Variants in PCNX1 observed in about 807,000 individuals in gnomAD.
PCNX1 encodes pecanex-like protein 1.
Under a neutral mutation model 242.2 loss-of-function variants are expected in PCNX1, and 78 were observed. The observed-to-expected ratio is 0.32, with a 90% confidence interval of 0.27 to 0.39. The LOEUF is 0.39. PCNX1 is among the 10% of genes least tolerant of loss of function. The probability of loss-of-function intolerance (pLI) is 1.00; values close to 1 mark genes in which losing one functional copy is unlikely to be tolerated. For missense variants in PCNX1, 2,581 were observed against 2,856.5 expected (o/e 0.90, Z 2.20); for synonymous variants, 1,024 against 1,032.9 (o/e 0.99, Z 0.17).
chr14:70,915,192 G>A (rs1019408366), intron 1 of PCNX1, among the ~76,000 whole-genome samples: 18 of 152,008 alleles, frequency 1.2e-4, no homozygotes, highest in African/African-American at 4.1e-4. Context: ...GAGCAGCTAG[G>A]CTCTTCCCAG....
intron 30 of PCNX1, among the ~76,000 whole-genome samples, chr14:71,091,709 A>AAGT (rs1262831032): frequency 6.6e-5 from 10 of 152,242 alleles, no homozygotes; most frequent in Non-Finnish European, 1.2e-4. Flanking sequence ...AACACAGACT[A>AAGT]TACATGGCAA....
At chr14:70,920,439 A>G (rs542063841) in intron 1 of PCNX1, among the ~76,000 whole-genome samples, 11 of 152,306 alleles carry the variant, frequency 7.2e-5, no homozygotes, top group African/African-American at 2.6e-4. Context: ...CAATTTGTCA[A>G]ATGTATCTTA....
intron 12 of PCNX1, among the ~76,000 whole-genome samples, chr14:71,021,197 T>C (rs551990011): frequency 6.6e-6 from 1 of 152,338 alleles, no homozygotes; most frequent in East Asian, 1.9e-4. Context: ...GGTAGCGTGA[T>C]GCCTCCAGCT....
rs780668686 is a variant in PCNX1 at position 70,907,849 on chromosome 14, G to A, written c.-2G>A. 7 of 1,350,340 alleles carry A rather than the reference G, an allele frequency of 5.2e-6. No individual in the cohort carries two copies. In the South Asian group the frequency reaches 6.4e-5, roughly 12 times the overall value. The allele number at this position is 1,350,340 out of a possible 1,614,324, so 83.6% of individuals were successfully genotyped here. ...CGGCGACGGCGGCGGCGCCGGGTGGGGATGGGGTCGCAGACGCTGCAGATC... is the reference window on the plus strand; with the variant it reads ...CGGCGACGGCGGCGGCGCCGGGTGGAGATGGGGTCGCAGACGCTGCAGATC... On this transcript the variant is annotated 5_prime_UTR_variant, in exon 1 of 36. Transcript: ENST00000304743.
chr14:71,089,641 G>T (rs899192980), intron 30 of PCNX1, among the ~76,000 whole-genome samples: 4 of 152,076 alleles, frequency 2.6e-5, no homozygotes, highest in African/African-American at 9.7e-5. Flanking sequence ...GAACTCACTC[G>T]CTATCATGAG....
intron 1 of PCNX1, among the ~76,000 whole-genome samples, chr14:70,921,528 C>G (rs1035741894): frequency 6.6e-6 from 1 of 152,082 alleles, no homozygotes; most frequent in Admixed American, 6.6e-5. Flanking sequence ...ATAAAGATAG[C>G]TAATCTTAAC....
At chr14:70,973,025 G>A (rs2058587074) in intron 5 of PCNX1, among the ~76,000 whole-genome samples, 1 of 152,156 alleles carries the variant, frequency 6.6e-6, no homozygotes, top group African/African-American at 2.4e-5. Context: ...GCCAAGGTGG[G>A]AGTATGGCTG....
chr14:71,016,268 A>G (rs1347311151), intron 11 of PCNX1, among the ~76,000 whole-genome samples: 1 of 152,218 alleles, frequency 6.6e-6, no homozygotes, highest in Admixed American at 6.5e-5. Context: ...AGCAAAAGCT[A>G]ATAGAAGTGG....
intron 26 of PCNX1, among the ~76,000 whole-genome samples, chr14:71,061,356 A>C (rs1219857863): frequency 6.6e-6 from 1 of 152,212 alleles, no homozygotes; most frequent in Non-Finnish European, 1.5e-5. Flanking sequence ...CTCTGCCAGC[A>C]CAATGGAGAA....
chr14:70,986,012 CAT>C (rs1317163576), intron 6 of PCNX1, among the ~76,000 whole-genome samples: 1 of 152,020 alleles, frequency 6.6e-6, no homozygotes, highest in East Asian at 1.9e-4. Flanking sequence ...GTGGCTATAA[CAT>C]ATGTGACTGT....
chr14:71,061,692 C>A (rs1050271055), intron 26 of PCNX1, among the ~76,000 whole-genome samples: 14 of 152,312 alleles, frequency 9.2e-5, no homozygotes, highest in African/African-American at 3.1e-4. Flanking sequence ...GAAGAAGACA[C>A]TCAAGAGGTT....
At chr14:71,015,729 G>A (rs914727545) in intron 11 of PCNX1, among the ~76,000 whole-genome samples, 3 of 151,820 alleles carry the variant, frequency 2.0e-5, no homozygotes, top group Admixed American at 2.0e-4. Flanking sequence ...GAGATAAGAT[G>A]GATTATAAAA....
chr14:71,052,639 A>G (rs917971103), intron 24 of PCNX1, among the ~76,000 whole-genome samples: 2 of 152,214 alleles, frequency 1.3e-5, no homozygotes, highest in African/African-American at 2.4e-5. Context: ...ATGCTATATA[A>G]TATCGTTATA....
chr14:70,948,742 T>A (rs1012004221), intron 2 of PCNX1, among the ~76,000 whole-genome samples: 5 of 145,816 alleles, frequency 3.4e-5, no homozygotes, highest in Non-Finnish European at 6.2e-5. Flanking sequence ...TATATGTGTA[T>A]ATGTACATAT....
In PCNX1 at chr14:70,969,083, CT is replaced by C; in HGVS notation, c.580del (p.Cys194ValfsTer47). 6.2e-7 allele frequency: 1 copy of C among 1,607,860 alleles called. No individual in the cohort carries two copies. The highest frequency in any genetic ancestry group is 8.5e-7 in the Non-Finnish European group (1 of 1,174,512). ...TTTAAGTCTGGGCCAAAGTTCTAGT[CT>C]TTGTAAGGAAGGAAGTGAAGAACAA... ...ISLSLGQSSS[L>X]CKEGSEEQDL... On this transcript the variant is annotated frameshift_variant, in exon 5 of 36. Coordinates refer to ENST00000304743, the MANE Select transcript of PCNX1 (RefSeq NM_014982.3). LOFTEE classifies it high-confidence loss of function.
At chr14:70,915,805 A>G (rs1174865540) in intron 1 of PCNX1, among the ~76,000 whole-genome samples, 2 of 152,140 alleles carry the variant, frequency 1.3e-5, no homozygotes, top group East Asian at 3.8e-4. Flanking sequence ...TTATATTGAG[A>G]GAGAATATAA....
chr14:70,942,365 T>C (rs887641203), intron 1 of PCNX1, among the ~76,000 whole-genome samples: 3 of 152,234 alleles, frequency 2.0e-5, no homozygotes, highest in African/African-American at 7.2e-5. Flanking sequence ...AAATTTAGTA[T>C]TCATTTTTAA....
chr14:71,105,056 C>T (rs532320637), intron 32 of PCNX1, among the ~76,000 whole-genome samples, 179 bp from the exon 33 acceptor site: 8 of 152,302 alleles, frequency 5.3e-5, no homozygotes, highest in African/African-American at 1.9e-4. Context: ...GGGTATAGTT[C>T]TTAAGCCACT....
At chr14:70,976,231 A>G (rs1595109966) in intron 5 of PCNX1, among the ~76,000 whole-genome samples, 1 of 152,218 alleles carries the variant, frequency 6.6e-6, no homozygotes, top group African/African-American at 2.4e-5. Context: ...AGTGAAGTTG[A>G]TGTCCCATTT....
Sources: gnomAD v4.1 joint callset for allele counts (sites outside exome capture counted in the v4.1 genomes callset) on GRCh38, gnomAD v4.1.1 for gene constraint, MANE v1.5 for transcripts, NCBI Gene and HGNC (gene_info 2026-07-23, HGNC 2026-07-21) for gene names.